Variants in STON2 observed in about 807,000 individuals in gnomAD.
STON2 encodes stonin 2, also known as stonin-2.
Under a neutral mutation model 65.7 loss-of-function variants are expected in STON2, and 29 were observed. The ratio of observed to expected loss-of-function variants is 0.44; its 90% CI spans 0.33 to 0.60. The LOEUF is 0.60. Ranked by LOEUF, STON2 falls within the 20% of genes least tolerant of loss-of-function variation. The pLI is 0.03. For missense variants in STON2, 1,054 were observed against 1,118.1 expected, an observed-to-expected ratio of 0.94 and a Z score of 0.82; for synonymous variants, 404 against 414.2, an observed-to-expected ratio of 0.98 and a Z score of 0.30.
At chr14:81,378,070 C>T (rs1899337407) in intron 3 of STON2, among the ~76,000 whole-genome samples, 1 of 152,146 alleles carries the variant, frequency 6.6e-6, no homozygotes, top group African/African-American at 2.4e-5. Flanking sequence ...TGGTCTCAAA[C>T]TCTCGACCTC....
chr14:81,297,539 C>T (rs1895808095), intron 5 of STON2, among the ~76,000 whole-genome samples: 1 of 152,142 alleles, frequency 6.6e-6, no homozygotes, highest in African/African-American at 2.4e-5. Flanking sequence ...ATGATATTTC[C>T]TATGCCCCAC....
intron 4 of STON2, among the ~76,000 whole-genome samples, chr14:81,347,228 C>CA (rs1897843159): frequency 1.3e-5 from 2 of 151,350 alleles, no homozygotes; most frequent in Admixed American, 6.6e-5. Flanking sequence ...AAATCTGAAA[C>CA]AAAAAAAGGA....
At chr14:81,328,811 C>T (rs896094201) in intron 4 of STON2, among the ~76,000 whole-genome samples, 2 of 152,104 alleles carry the variant, frequency 1.3e-5, no homozygotes, top group Admixed American at 1.3e-4. Flanking sequence ...GGCACCTCCC[C>T]TCTCACTCTC....
At chr14:81,349,023 A>T (rs1370646193) in intron 4 of STON2, among the ~76,000 whole-genome samples, 1 of 152,180 alleles carries the variant, frequency 6.6e-6, no homozygotes, top group Non-Finnish European at 1.5e-5. Context: ...TGTGCTGTGA[A>T]AAGTGGATAT....
chr14:81,302,383 T>G (rs982961630), intron 5 of STON2, among the ~76,000 whole-genome samples: 8 of 152,228 alleles, frequency 5.3e-5, no homozygotes, highest in African/African-American at 1.9e-4. Context: ...AAAGTCTCAC[T>G]TGGATCCAAG....
At position 81,263,428 on chromosome 14, in the gene STON2, C is replaced by T. The variant is rs1162134652; in HGVS notation, c.*4986G>A. On this transcript the variant is annotated 3_prime_UTR_variant, in exon 8 of 8. Transcript: ENST00000614646. ...TGGCACATGCCTGTAGTCCCAGCTACTCGGGAGGTTGAGGCAGGAGAATCA... is the reference window on the plus strand; with the variant it reads ...TGGCACATGCCTGTAGTCCCAGCTATTCGGGAGGTTGAGGCAGGAGAATCA... 1.3e-5 allele frequency among the ~76,000 whole-genome samples: 2 copies of T among 148,790 alleles called. No homozygotes were observed. The highest frequency in any genetic ancestry group is 4.9e-5 in the African/African-American group (2 of 40,474).
At chr14:81,330,253 A>G (rs1236023198) in intron 4 of STON2, among the ~76,000 whole-genome samples, 1 of 152,170 alleles carries the variant, frequency 6.6e-6, no homozygotes, top group Non-Finnish European at 1.5e-5. Flanking sequence ...CTGGCATGTG[A>G]GAGGTGCTGG....
In STON2 at chr14:81,395,889, CT is replaced by C. The variant is rs759007084; in HGVS notation, c.373+4del. The C allele has an allele frequency of 4.3e-6, 7 of 1,613,914 alleles. No homozygotes were observed. In the African/African-American group the frequency reaches 9.3e-5, roughly 22 times the overall value. On this transcript the variant is annotated splice_donor_region_variant and intron_variant, in intron 3 of 7. Transcript: ENST00000614646. ...ACCCAAGCCGGGCCCTTCCTACCTCCTCACCTGTCTCAGCTGTTTCCTGATG... is the reference window on the plus strand; with the variant it reads ...ACCCAAGCCGGGCCCTTCCTACCTCCCACCTGTCTCAGCTGTTTCCTGATG...
At chr14:81,343,221 A>G (rs1332790297) in intron 4 of STON2, among the ~76,000 whole-genome samples, 1 of 152,230 alleles carries the variant, frequency 6.6e-6, no homozygotes, top group Admixed American at 6.5e-5. Flanking sequence ...GATATATGCC[A>G]AAGTGAAAAA....
chr14:81,400,257 G>C (rs1330252853), intron 1 of STON2, among the ~76,000 whole-genome samples, 22 bp downstream of exon 1: 4 of 152,156 alleles, frequency 2.6e-5, no homozygotes, highest in South Asian at 2.1e-4. Flanking sequence ...GGAGAGAGCA[G>C]GTCTCCCAAA....
chr14:81,309,481 T>A (rs1225864443), intron 5 of STON2, among the ~76,000 whole-genome samples: 1 of 152,212 alleles, frequency 6.6e-6, no homozygotes, highest in Non-Finnish European at 1.5e-5. Context: ...TACTTAGTTA[T>A]GATAATTTTT....
At chr14:81,370,934 C>G (rs966425390) in intron 4 of STON2, 54 bp downstream of exon 4, 1 of 1,547,342 alleles carries the variant, frequency 6.5e-7, no homozygotes, top group Admixed American at 1.7e-5. Flanking sequence ...TAAAGTGGAC[C>G]TGGGTACACC....
At chr14:81,325,156 GC>G (rs1410074789) in intron 4 of STON2, among the ~76,000 whole-genome samples, 1 of 152,146 alleles carries the variant, frequency 6.6e-6, no homozygotes, top group Non-Finnish European at 1.5e-5. Context: ...TCCTCCACCT[GC>G]AGCTGACCTA....
chr14:81,282,607 T>G (rs551134232), intron 5 of STON2, among the ~76,000 whole-genome samples: 15 of 152,304 alleles, frequency 9.8e-5, no homozygotes, highest in African/African-American at 3.4e-4. Context: ...AATATTTTGA[T>G]GTGAAAACAA....
chr14:81,357,302 C>A (rs548509397), intron 4 of STON2, among the ~76,000 whole-genome samples: 91 of 152,198 alleles, frequency 6.0e-4, no homozygotes, highest in Middle Eastern at 3.4e-3. Flanking sequence ...TGAAAAAATG[C>A]TCACCATCAC....
At position 81,278,194 on chromosome 14, in the gene STON2, T is replaced by A. The variant is rs763250482; in HGVS notation, c.1288A>T (p.Ser430Cys). The A allele has an allele frequency of 1.2e-6, 2 of 1,614,056 alleles. No individual in the cohort carries two copies. Among genetic ancestry groups the A allele is most frequent in the South Asian group, 2.2e-5 (2 of 91,082 alleles). Residue 430 changes from serine (S) to cysteine (C), a missense_variant, in exon 6 of 8, where the codon AGC becomes TGC. Physicochemically the swap from Ser to Cys is moderately radical, Grantham distance 112 (BLOSUM62 -1). Coordinates refer to ENST00000614646, the MANE Select transcript of STON2 (RefSeq NM_001394390.1). ...GCATCAGAGTGTGACTGGGTTTTGCTTGAATCATCAAAACTGATGGCATCC... is the reference window on the plus strand; with the variant it reads ...GCATCAGAGTGTGACTGGGTTTTGCATGAATCATCAAAACTGATGGCATCC... ...YQDAISFDDSSKTQSHSDAVE... is the reference protein window; with the variant it reads ...YQDAISFDDSCKTQSHSDAVE...
intron 5 of STON2, among the ~76,000 whole-genome samples, chr14:81,293,764 C>T (rs900695145): frequency 6.6e-6 from 1 of 152,120 alleles, no homozygotes; most frequent in Admixed American, 6.5e-5. Flanking sequence ...AGAATCAAGA[C>T]ATAGTAGCCA....
chr14:81,404,454 T>A (rs1900751337), upstream of STON2, among the ~76,000 whole-genome samples: 1 of 152,240 alleles, frequency 6.6e-6, no homozygotes, highest in African/African-American at 2.4e-5. Context: ...TCAACTTTTT[T>A]AAATGAAACT....
At chr14:81,412,085 T>C (rs752785009) in intron 2 of STON2, among the ~76,000 whole-genome samples, 7 of 139,902 alleles carry the variant, frequency 5.0e-5, no homozygotes, top group African/African-American at 2.1e-4. Flanking sequence ...GCAAGAGGCA[T>C]GAGAGGTTGT....
Sources: gnomAD v4.1 joint callset for allele counts (sites outside exome capture counted in the v4.1 genomes callset) on GRCh38, gnomAD v4.1.1 for gene constraint, MANE v1.5 for transcripts, NCBI Gene and HGNC (gene_info 2026-07-23, HGNC 2026-07-21) for gene names.